Variants in AGMO observed in about 807,000 individuals in gnomAD.
The protein encoded by AGMO is glyceryl-ether monooxygenase.
AGMO carries 75 observed loss-of-function variants against 60.2 expected under a neutral mutation model. The observed-to-expected ratio is 1.25, with a 90% CI of 1.03 to 1.51. AGMO has a LOEUF of 1.51. Among genes scored for constraint, AGMO ranks in the 40% most tolerant of loss-of-function variants. The probability of loss-of-function intolerance (pLI) is 0.00; values close to 1 mark genes in which losing one functional copy is unlikely to be tolerated. For synonymous variants in AGMO, 261 were observed against 177.1 expected (o/e 1.47, Z -3.76); for missense variants, 763 against 525.5 (o/e 1.45, Z -4.42).
At chr7:15,122,939 A>G in the AGMO span, among the ~76,000 whole-genome samples, 3 of 152,102 alleles carry the variant, frequency 2.0e-5, no homozygotes, top group Non-Finnish European at 4.4e-5. Context: ...AGTAAAAAAC[A>G]AAGTCCTCAT....
At chr7:15,205,552 A>G (rs1480988160) in intron 12 of AGMO, among the ~76,000 whole-genome samples, 1 of 152,182 alleles carries the variant, frequency 6.6e-6, no homozygotes, top group Non-Finnish European at 1.5e-5. Flanking sequence ...TAAGATGAAT[A>G]AACATGTTAA....
At chr7:15,495,500 G>C (rs1238635579) in intron 3 of AGMO, among the ~76,000 whole-genome samples, 1 of 152,040 alleles carries the variant, frequency 6.6e-6, no homozygotes, top group Admixed American at 6.6e-5. Flanking sequence ...AAATAGAAGG[G>C]GGGATTTTGT....
At chr7:15,429,984 G>T (rs1283342230) in intron 4 of AGMO, among the ~76,000 whole-genome samples, 1 of 138,096 alleles carries the variant, frequency 7.2e-6, no homozygotes, top group Non-Finnish European at 1.6e-5. Context: ...AAGATCAGGG[G>T]TCCTGGAACA....
intron 3 of AGMO, among the ~76,000 whole-genome samples, chr7:15,457,934 A>C (rs1782040818): frequency 6.6e-6 from 1 of 152,182 alleles, no homozygotes; most frequent in Admixed American, 6.6e-5. Flanking sequence ...CCAATTATAA[A>C]TTATATGATG....
At chr7:15,423,783 A>C (rs1780988634) in intron 4 of AGMO, among the ~76,000 whole-genome samples, 1 of 150,510 alleles carries the variant, frequency 6.6e-6, no homozygotes, top group African/African-American at 2.4e-5. Flanking sequence ...CCAAAGCTGC[A>C]AACCACCAGT....
At chr7:15,458,687 A>C (rs992872817) in intron 3 of AGMO, among the ~76,000 whole-genome samples, 10 of 152,100 alleles carry the variant, frequency 6.6e-5, no homozygotes, top group African/African-American at 2.4e-4. Context: ...GCCACCTTTA[A>C]TCCTTGCAAC....
chr7:15,259,919 A>C lies in AGMO; in HGVS notation c.1264-58560T>G, dbSNP rs868124148. The stretch of plus-strand genomic sequence containing the variant: ...AACTGCAAAAAAAAAAAAAAAAAAA[A>C]AAAAAAAGCTCTAAATCTTGAAATA... On this transcript the variant is annotated intron_variant, in intron 12 of 12. Transcript: ENST00000342526. 2.2e-3 allele frequency among the ~76,000 whole-genome samples: 325 copies of C among 148,896 alleles called. 1 individual carries two copies. Among genetic ancestry groups the C allele is most frequent in the African/African-American group, 7.2e-3 (294 of 40,598 alleles).
intron 12 of AGMO, among the ~76,000 whole-genome samples, chr7:15,237,486 G>GC (rs1782460082): frequency 6.8e-6 from 1 of 147,890 alleles, no homozygotes; most frequent in Non-Finnish European, 1.5e-5. Context: ...CCTAGAGAGT[G>GC]TTTTTTTTTT....
intron 4 of AGMO, among the ~76,000 whole-genome samples, chr7:15,430,040 A>G (rs941563227): frequency 6.6e-6 from 1 of 151,932 alleles, no homozygotes; most frequent in Non-Finnish European, 1.5e-5. Context: ...TGACTGAACT[A>G]TAGACTCAGC....
At chr7:15,275,772 C>G (rs1335107776) in intron 12 of AGMO, among the ~76,000 whole-genome samples, 2 of 151,922 alleles carry the variant, frequency 1.3e-5, no homozygotes, top group African/African-American at 4.8e-5. Context: ...GCTATTGAAC[C>G]ATTTATCATT....
At chr7:15,417,046 A>G (rs1368146465) in intron 5 of AGMO, among the ~76,000 whole-genome samples, 1 of 152,172 alleles carries the variant, frequency 6.6e-6, no homozygotes, top group Non-Finnish European at 1.5e-5. Flanking sequence ...ATGTAACTAC[A>G]CGGTTGAGAA....
intron 3 of AGMO, among the ~76,000 whole-genome samples, chr7:15,536,644 G>C (rs923884302): frequency 6.6e-6 from 1 of 151,374 alleles, no homozygotes; most frequent in African/African-American, 2.4e-5. Flanking sequence ...GTATAGGGTT[G>C]GTACAAGATA....
At chr7:15,454,399 A>AC (rs34418511) in intron 3 of AGMO, among the ~76,000 whole-genome samples, 120,703 of 151,854 alleles carry the variant, frequency 0.79, 48,964 homozygotes, top group African/African-American at 0.87. Flanking sequence ...ACACAAACAC[A>AC]AAGTGGCAAC....
intron 12 of AGMO, among the ~76,000 whole-genome samples, chr7:15,296,014 T>G (rs1443236425): frequency 6.6e-6 from 1 of 152,150 alleles, no homozygotes; most frequent in Non-Finnish European, 1.5e-5. Flanking sequence ...TATATAAAAT[T>G]TTCTTCAATT....
At chr7:15,260,826 A>C (rs1475661369) in intron 12 of AGMO, among the ~76,000 whole-genome samples, 1 of 152,146 alleles carries the variant, frequency 6.6e-6, no homozygotes. Context: ...CTCTCTGACC[A>C]CAGCGGAATA....
At chr7:15,248,195 T>TAC (rs1563053787) in intron 12 of AGMO, among the ~76,000 whole-genome samples, 1 of 76,694 alleles carries the variant, frequency 1.3e-5, no homozygotes, top group Non-Finnish European at 2.5e-5. Flanking sequence ...TATATATATA[T>TAC]ATATATATAT....
intron 2 of AGMO, among the ~76,000 whole-genome samples, chr7:15,554,838 G>A (rs1354470350): frequency 1.3e-5 from 2 of 151,878 alleles, no homozygotes; most frequent in African/African-American, 4.8e-5. Flanking sequence ...ATCTCCATCT[G>A]AGTCTACCCA....
intron 3 of AGMO, among the ~76,000 whole-genome samples, chr7:15,533,458 G>T (rs918743073): frequency 6.6e-6 from 1 of 152,028 alleles, no homozygotes; most frequent in Non-Finnish European, 1.5e-5. Flanking sequence ...TTGTTTTACA[G>T]ATCTTTGCTA....
intron 8 of AGMO, among the ~76,000 whole-genome samples, chr7:15,388,925 G>GAA (rs753320025): frequency 1.3e-5 from 2 of 152,162 alleles, no homozygotes; most frequent in Non-Finnish European, 2.9e-5. Flanking sequence ...ATGTGAGGGG[G>GAA]AAAGACCTAG....
Sources: allele counts gnomAD v4.1 joint callset (sites outside exome capture counted in the v4.1 genomes callset), GRCh38; gene constraint gnomAD v4.1.1; transcripts MANE v1.5; gene names NCBI Gene and HGNC (gene_info 2026-07-23, HGNC 2026-07-21).